Variants in PKP4 observed in about 807,000 individuals in gnomAD.
PKP4 encodes plakophilin-4.
PKP4 carries 90 observed loss-of-function variants against 145.1 expected under a neutral mutation model. The observed-to-expected ratio is 0.62, with a 90% confidence interval of 0.52 to 0.74. The LOEUF is 0.74. Among genes scored for constraint, PKP4 ranks in the 30% least tolerant of loss-of-function variants. The pLI is 0.00. For missense variants in PKP4, 1,340 were observed against 1,482.7 expected, an observed-to-expected ratio of 0.90 and a Z score of 1.58; for synonymous variants, 563 against 577.2, an observed-to-expected ratio of 0.98 and a Z score of 0.35.
chr2:158,631,082 C>T (rs1042453200), intron 7 of PKP4, among the ~76,000 whole-genome samples: 24 of 152,140 alleles, frequency 1.6e-4, no homozygotes, highest in Non-Finnish European at 2.9e-4. Flanking sequence ...GGACTATAGG[C>T]TCCCGCCACC....
chr2:158,513,396 TC>T (rs538526631), intron 1 of PKP4, among the ~76,000 whole-genome samples: 98 of 152,274 alleles, frequency 6.4e-4, no homozygotes, highest in African/African-American at 2.3e-3. Context: ...GAGTACATCT[TC>T]CTAGTGTCCT....
chr2:158,650,861 C>CA (rs1260137398), intron 11 of PKP4, among the ~76,000 whole-genome samples: 1 of 152,200 alleles, frequency 6.6e-6, no homozygotes, highest in African/African-American at 2.4e-5. Flanking sequence ...TGCTCTGTGC[C>CA]AGGCAGCAGG....
At chr2:158,646,198 T>C (rs2054811863) in intron 11 of PKP4, among the ~76,000 whole-genome samples, 1 of 152,214 alleles carries the variant, frequency 6.6e-6, no homozygotes. Flanking sequence ...TTGCCATACT[T>C]ATAGAGTAGG....
intron 1 of PKP4, among the ~76,000 whole-genome samples, chr2:158,489,388 T>C (rs1694622948): frequency 1.3e-5 from 2 of 152,220 alleles, no homozygotes; most frequent in Non-Finnish European, 1.5e-5. Flanking sequence ...TTTCTGACGC[T>C]AAAACCTATC....
chr2:158,673,186 A>G (rs2057714612), intron 17 of PKP4, among the ~76,000 whole-genome samples: 1 of 152,228 alleles, frequency 6.6e-6, no homozygotes, highest in South Asian at 2.1e-4. Context: ...TTCCAAATTC[A>G]ACATTAGAAC....
intron 2 of PKP4, among the ~76,000 whole-genome samples, chr2:158,541,829 A>G (rs2044549155): frequency 6.6e-6 from 1 of 152,132 alleles, no homozygotes; most frequent in South Asian, 2.1e-4. Flanking sequence ...CTACCCTAAT[A>G]GGCATATATC....
intron 4 of PKP4, among the ~76,000 whole-genome samples, chr2:158,615,198 A>T (rs2105879268): frequency 6.6e-6 from 1 of 151,684 alleles, no homozygotes; most frequent in South Asian, 2.1e-4. Flanking sequence ...ATATTTGGTA[A>T]TTTTTTTTCC....
intron 2 of PKP4, among the ~76,000 whole-genome samples, chr2:158,565,435 C>CTTTTTTTTTTTTTTTT (rs10690465): frequency 2.2e-5 from 3 of 135,764 alleles, no homozygotes; most frequent in Non-Finnish European, 3.1e-5. Context: ...TTCTTTTTTC[C>CTTTTTTTTTTTTTTTT]TTTTTTTTTT....
chr2:158,646,339 A>G (rs909659853), intron 11 of PKP4, among the ~76,000 whole-genome samples: 1 of 152,214 alleles, frequency 6.6e-6, no homozygotes, highest in Non-Finnish European at 1.5e-5. Flanking sequence ...ACTTCATGCA[A>G]TTGCCATAAG....
chr2:158,629,047 G>T (rs973070284), intron 7 of PKP4, among the ~76,000 whole-genome samples: 7 of 152,076 alleles, frequency 4.6e-5, no homozygotes, highest in African/African-American at 1.7e-4. Flanking sequence ...TTTTGTCTAA[G>T]GTATTCATGG....
intron 1 of PKP4, among the ~76,000 whole-genome samples, chr2:158,507,536 CT>C (rs1272452126): frequency 6.6e-6 from 1 of 152,168 alleles, no homozygotes; most frequent in Non-Finnish European, 1.5e-5. Context: ...CCTTGCTTAC[CT>C]TTCCCCATTT....
Position 158,625,366 on chromosome 2 carries a change from C to A in PKP4, c.1092C>A (p.Phe364Leu). ...GGACTGTTCATGACATGGAGCAATT[C>A]GGACAGCAGCAGTATGACATTTATG... ...LQRTVHDMEQ[F>L]GQQQYDIYER... is the part of the protein sequence containing the mutation. The change falls in exon 7 of 22, where the codon TTC (phenylalanine) becomes TTA (leucine). Residue 364 changes from phenylalanine (F) to leucine (L), a missense_variant. Physicochemically the swap from Phe to Leu is conservative, Grantham distance 22 (BLOSUM62 0). Coordinates refer to ENST00000389759, the MANE Select transcript of PKP4 (RefSeq NM_003628.6). 6.2e-7 allele frequency: 1 copy of A among 1,614,132 alleles called. No individual in the cohort carries two copies. Among genetic ancestry groups the A allele is most frequent in the South Asian group, 1.1e-5 (1 of 91,074 alleles).
At chr2:158,674,169 T>C (rs188167593) in intron 19 of PKP4, among the ~76,000 whole-genome samples, 169 bp downstream of exon 19, 55 of 152,316 alleles carry the variant, frequency 3.6e-4, no homozygotes, top group Non-Finnish European at 4.7e-4. Context: ...ACAAGCCCAC[T>C]TTCTTCCTTT....
At chr2:158,642,886 T>A (rs1222841718) in intron 11 of PKP4, among the ~76,000 whole-genome samples, 187 bp downstream of exon 11, 1 of 152,208 alleles carries the variant, frequency 6.6e-6, no homozygotes, top group African/African-American at 2.4e-5. Context: ...TAGAATGCAG[T>A]CATCTCTATT....
intron 1 of PKP4, among the ~76,000 whole-genome samples, chr2:158,473,642 G>A (rs1278330733): frequency 6.6e-6 from 1 of 151,886 alleles, no homozygotes; most frequent in Non-Finnish European, 1.5e-5. Flanking sequence ...AACAACCCTT[G>A]GGTCTACTTG....
chr2:158,542,901 A>C (rs2044649158), intron 2 of PKP4, among the ~76,000 whole-genome samples: 1 of 152,218 alleles, frequency 6.6e-6, no homozygotes, highest in Non-Finnish European at 1.5e-5. Flanking sequence ...TCTCTATGGA[A>C]TAGAAATCCA....
intron 11 of PKP4, among the ~76,000 whole-genome samples, chr2:158,657,090 C>A (rs1477167779): frequency 6.6e-6 from 1 of 152,186 alleles, no homozygotes; most frequent in Non-Finnish European, 1.5e-5. Flanking sequence ...ACTGTACAGA[C>A]TCGAGCAACT....
rs896141393 is a variant in PKP4, at chr2:158,572,489, G to T, written c.133-4782G>T. 2.0e-5 allele frequency among the ~76,000 whole-genome samples: 3 copies of T among 152,160 alleles called. No homozygotes were observed. In the East Asian group the frequency reaches 5.8e-4, roughly 29 times the overall value. On this transcript the variant is annotated intron_variant, in intron 2 of 21. Transcript: ENST00000389759. Reference sequence around the variant, plus strand: ...CTGGCTTTTACCCTGAAGATATCTGGCAAATCTAGGTCATCTTGAACATGC... The same window carrying T: ...CTGGCTTTTACCCTGAAGATATCTGTCAAATCTAGGTCATCTTGAACATGC...
rs1441726457 is a variant in PKP4 at position 158,590,933 on chromosome 2, C to T, written c.246-12137C>T. Reference sequence around the variant, plus strand: ...AAGGGAGACAGCCAGAAATCACAGTCACCTGATACGATGCAATGAGAAGTA... The same window carrying T: ...AAGGGAGACAGCCAGAAATCACAGTTACCTGATACGATGCAATGAGAAGTA... On this transcript the variant is annotated intron_variant, in intron 3 of 21. Transcript: ENST00000389759. Among the ~76,000 whole-genome samples, 3 of 152,200 alleles carry T rather than the reference C, an allele frequency of 2.0e-5. 1 individual carries two copies. In the South Asian group the frequency reaches 6.2e-4, roughly 32 times the overall value.
Sources: gnomAD v4.1 joint callset for allele counts (sites outside exome capture counted in the v4.1 genomes callset) on GRCh38, gnomAD v4.1.1 for gene constraint, MANE v1.5 for transcripts, NCBI Gene and HGNC (gene_info 2026-07-23, HGNC 2026-07-21) for gene names.